ZNF91: variants seen among roughly 807,000 people sequenced by gnomAD.
ZNF91 encodes the protein zinc finger protein 91.
In ZNF91, 7 loss-of-function variants were observed where a neutral mutation model predicts 12.6. The ratio of observed to expected loss-of-function variants is 0.55; its 90% CI spans 0.31 to 1.04. ZNF91 has a LOEUF of 1.04. Ranked by LOEUF, ZNF91 falls within the 50% of genes least tolerant of loss-of-function variation. The probability of loss-of-function intolerance (pLI) is 0.05; values close to 1 mark genes in which losing one functional copy is unlikely to be tolerated. For synonymous variants in ZNF91, 453 were observed against 462.6 expected (o/e 0.98, Z 0.27); for missense variants, 1,217 against 1,385.4 (o/e 0.88, Z 1.93).
At chr19:23,345,983 C>T (rs1968220959) in intron 3 of ZNF91, among the ~76,000 whole-genome samples, 1 of 151,976 alleles carries the variant, frequency 6.6e-6, no homozygotes, top group Non-Finnish European at 1.5e-5. Flanking sequence ...CAGGTTCCTC[C>T]TTCTCTCCCA....
At chr19:23,328,274 G>A (rs1220011417) in intron 1 of ZNF91, 1 of 152,216 alleles carries the variant, frequency 6.6e-6, no homozygotes, top group Non-Finnish European at 1.5e-5. Context: ...AAGCTATGAA[G>A]TAAAGTTTGG....
At chr19:23,363,456 A>T in intron 3 of ZNF91, among the ~76,000 whole-genome samples, 1 of 152,252 alleles carries the variant, frequency 6.6e-6, no homozygotes. Flanking sequence ...ACAAAGTAAC[A>T]TAAGTAAACA....
Position 23,362,375 on chromosome 19 carries a change from A to T in ZNF91, c.604T>A (p.Cys202Ser), listed in dbSNP as rs377620076. ...CIRLHKTQHK[C>S]VYITEKSCKC... ...CAGGACTTCTCTGTAATATAAACGCATTTATGTTGGGTTTTGTGTAAACGG... is the reference window on the plus strand; with the variant it reads ...CAGGACTTCTCTGTAATATAAACGCTTTTATGTTGGGTTTTGTGTAAACGG... The change falls in exon 4 of 4, where the codon TGC (cysteine) becomes AGC (serine). Residue 202 changes from cysteine (C) to serine (S), a missense_variant. By Grantham distance (112) the Cys-to-Ser change is moderately radical (BLOSUM62 -1). Transcript: ENST00000300619. 1.4e-5 allele frequency: 23 copies of T among 1,613,546 alleles called. No homozygotes were observed. The highest frequency in any genetic ancestry group is 1.9e-5 in the Non-Finnish European group (22 of 1,179,898).
At chr19:23,345,319 C>T (rs989709253) in intron 3 of ZNF91, among the ~76,000 whole-genome samples, 1 of 152,194 alleles carries the variant, frequency 6.6e-6, no homozygotes, top group Non-Finnish European at 1.5e-5. Context: ...AACCTACAAA[C>T]CTCAGGCCTC....
intron 1 of ZNF91, among the ~76,000 whole-genome samples, chr19:23,377,291 CACTT>C (rs1045253193): frequency 5.1e-4 from 77 of 152,264 alleles, no homozygotes; most frequent in African/African-American, 7.5e-4. Context: ...TCACAGGAGA[CACTT>C]AATTAAAACA....
At chr19:23,334,933 C>A (rs12151189), downstream of ZNF91, among the ~76,000 whole-genome samples, 1 of 152,030 alleles carries the variant, frequency 6.6e-6, no homozygotes, top group African/African-American at 2.4e-5. Flanking sequence ...AATAATGAGA[C>A]GCCAGTTTTT....
intron 3 of ZNF91, among the ~76,000 whole-genome samples, chr19:23,341,327 G>C (rs941351125): frequency 1.3e-5 from 2 of 152,130 alleles, no homozygotes; most frequent in Non-Finnish European, 2.9e-5. Context: ...GGGATTACAG[G>C]CGTGAGCTAC....
At chr19:23,353,644 A>G (rs1384245529), downstream of ZNF91, among the ~76,000 whole-genome samples, 1 of 137,226 alleles carries the variant, frequency 7.3e-6, no homozygotes, top group Non-Finnish European at 1.6e-5. Flanking sequence ...AAAAAATACA[A>G]AAGTAAATGA....
chr19:23,364,571 C>T (rs1455590366), intron 3 of ZNF91, among the ~76,000 whole-genome samples: 1 of 142,908 alleles, frequency 7.0e-6, no homozygotes, highest in Non-Finnish European at 1.5e-5. Flanking sequence ...TATTTATTTT[C>T]TGGTAAATTT....
At chr19:23,327,089 AG>A (rs1967850945) in intron 1 of ZNF91, 2 of 152,184 alleles carry the variant, frequency 1.3e-5, no homozygotes, top group Admixed American at 6.5e-5. Flanking sequence ...ATGAGTTAAT[AG>A]GAGTGTTGCT....
intron 1 of ZNF91, chr19:23,328,520 T>A (rs908385004): frequency 3.9e-5 from 6 of 152,234 alleles, no homozygotes; most frequent in African/African-American, 1.2e-4. Context: ...ACAGGAATGA[T>A]GAAGTAGATA....
chr19:23,375,772 A>C (rs1350257211), intron 1 of ZNF91, among the ~76,000 whole-genome samples: 3 of 152,222 alleles, frequency 2.0e-5, no homozygotes, highest in Non-Finnish European at 4.4e-5. Flanking sequence ...CATCACCTGC[A>C]TAAAGATACT....
rs776304207 is a variant in ZNF91, at chr19:23,359,603, T to C, written c.3376A>G (p.Ile1126Val). ...KESSALTKHKIIHTGEKPYKC... is the reference protein window; with the variant it reads ...KESSALTKHKVIHTGEKPYKC... ...TAGGGTTTCTCTCCAGTGTGAATTA[T>C]CTTATGTTTAGTAAGAGCTGAGGAC... The change falls in exon 4 of 4, where the codon ATA becomes GTA. Residue 1126 changes from isoleucine (I) to valine (V), a missense_variant. This residue lies in a region of ZNF91 where 491 missense variants were observed against 489.8 expected (regional missense o/e 1.00). Coordinates refer to ENST00000300619, the MANE Select transcript of ZNF91 (RefSeq NM_003430.4). 4 of 1,613,964 alleles carry C rather than the reference T, an allele frequency of 2.5e-6. No homozygotes were observed. The highest frequency in any genetic ancestry group is 1.3e-5 in the African/African-American group (1 of 74,932).
intron 1 of ZNF91, chr19:23,384,979 GAA>G: frequency 9.3e-7 from 1 of 1,069,924 alleles, no homozygotes; most frequent in South Asian, 1.2e-5. Flanking sequence ...CGTCATGGAG[GAA>G]AAAGGTCAGG....
At chr19:23,338,769 T>A (rs552536161) in exon 4 of ZNF91, 61 of 152,198 alleles carry the variant, frequency 4.0e-4, no homozygotes, top group African/African-American at 1.4e-3. Flanking sequence ...AATGTATAGA[T>A]TTGGTTGGGT....
chr19:23,354,137 CA>C (rs1367953714), downstream of ZNF91, among the ~76,000 whole-genome samples: 4 of 152,026 alleles, frequency 2.6e-5, no homozygotes, highest in Non-Finnish European at 5.9e-5. Context: ...AAGACACGAC[CA>C]AAGAAGAAAA....
chr19:23,391,210 C>T (rs1314152062), intron 1 of ZNF91, among the ~76,000 whole-genome samples: 1 of 152,110 alleles, frequency 6.6e-6, no homozygotes, highest in East Asian at 1.9e-4. Context: ...GCCAGAAAAA[C>T]GCTTTGTGCA....
chr19:23,369,832 T>G (rs945623904), intron 3 of ZNF91, among the ~76,000 whole-genome samples: 7 of 150,270 alleles, frequency 4.7e-5, no homozygotes, highest in African/African-American at 7.3e-5. Context: ...TCATCACCAC[T>G]CCCTAATCTC....
downstream of ZNF91, among the ~76,000 whole-genome samples, chr19:23,333,976 A>G (rs1023267665): frequency 4.6e-5 from 7 of 152,178 alleles, no homozygotes; most frequent in African/African-American, 1.7e-4. Flanking sequence ...AGATTGATAT[A>G]ATATGGTTCT....
Sources: allele counts gnomAD v4.1 joint callset (sites outside exome capture counted in the v4.1 genomes callset), GRCh38; gene constraint gnomAD v4.1.1; regional missense constraint gnomAD v4.1.1; transcripts MANE v1.5; gene names NCBI Gene and HGNC (gene_info 2026-07-23, HGNC 2026-07-21).